Variants in ZNF142 observed in about 807,000 individuals in gnomAD.
ZNF142 encodes zinc finger protein 142.
In ZNF142, 96 loss-of-function variants were observed where a neutral mutation model predicts 132.1. The observed-to-expected ratio is 0.73, with a 90% CI of 0.62 to 0.86. ZNF142 has a LOEUF of 0.86. ZNF142 is among the 40% of genes least tolerant of loss of function. The pLI, the probability that ZNF142 is intolerant of heterozygous loss-of-function variation, is 0.00. For synonymous variants in ZNF142, 842 were observed against 890.1 expected (o/e 0.95, Z 0.96); for missense variants, 2,163 against 2,336.2 (o/e 0.93, Z 1.53).
chr2:218,648,013 CTT>C (rs1429910025), intron 7 of ZNF142, among the ~76,000 whole-genome samples: 1 of 152,188 alleles, frequency 6.6e-6, no homozygotes, highest in Non-Finnish European at 1.5e-5. Flanking sequence ...AAACCAGTGT[CTT>C]TGATGAAAAT....
In ZNF142 at chr2:218,642,226, G is replaced by C. The variant is rs763796693; in HGVS notation, c.4890C>G (p.Asp1630Glu). 1 of 1,614,228 alleles carries C rather than the reference G, an allele frequency of 6.2e-7. No individual in the cohort carries two copies. Among genetic ancestry groups the C allele is most frequent in the Non-Finnish European group, 8.5e-7 (1 of 1,180,042 alleles). Reference sequence around the variant, plus strand: ...GTACCAGCTGATGGCGGCATGTGAAGTCACAAAAGGGGCAGTGTAGCGGGG... The same window carrying C: ...GTACCAGCTGATGGCGGCATGTGAACTCACAAAAGGGGCAGTGTAGCGGGG... ...GQPPLHCPFCDFTCRHQLVLD... is the reference protein window; with the variant it reads ...GQPPLHCPFCEFTCRHQLVLD... Residue 1630 changes from aspartate to glutamate, a missense_variant, in exon 9 of 11, where the codon GAC becomes GAG. By Grantham distance (45) the Asp-to-Glu change is conservative. Coordinates refer to ENST00000411696, the MANE Select transcript of ZNF142 (RefSeq NM_001379659.1). This position sits in a 1 kb window ranked among gnomAD's most constrained non-coding sequence, Gnocchi z 4.6.
Position 218,644,719 on chromosome 2 carries a change from T to A in ZNF142, c.2397A>T (p.Val799=). Residue 799 remains valine (V), a synonymous_variant, in exon 9 of 11, where the codon GTA becomes GTT. Coordinates refer to ENST00000411696, the MANE Select transcript of ZNF142 (RefSeq NM_001379659.1). The surrounding 1 kb of genome is among the most constrained non-coding windows in gnomAD (Gnocchi z 4.6). ...GGAGCTGCCAGGCCTGGTCTCCAGG[T>A]ACATAGCCATGGGCCTTGCGTTTAT... ...LFHKRKAHGY[V]PGDQAWQLRY... is the part of the protein sequence containing the mutation. 1 of 1,614,190 alleles carries A rather than the reference T, an allele frequency of 6.2e-7. No individual in the cohort carries two copies. Among genetic ancestry groups the A allele is most frequent in the Non-Finnish European group, 8.5e-7 (1 of 1,180,016 alleles).
chr2:218,636,428 A>C lies in ZNF142; in HGVS notation c.*1911T>G. 6.2e-7 allele frequency: 1 copy of C among 1,613,986 alleles called. No homozygotes were observed. The highest frequency in any genetic ancestry group is 8.5e-7 in the Non-Finnish European group (1 of 1,179,870). Reference sequence around the variant, plus strand: ...CCCTTTGGCCCCTGGCCAATACCCCAGCTCTGGCTGCCTTCCTAATGCTGT... The same window carrying C: ...CCCTTTGGCCCCTGGCCAATACCCCCGCTCTGGCTGCCTTCCTAATGCTGT... On this transcript the variant is annotated 3_prime_UTR_variant, in exon 11 of 11. Coordinates refer to ENST00000411696, the MANE Select transcript of ZNF142 (RefSeq NM_001379659.1).
At position 218,644,998 on chromosome 2, in the gene ZNF142, C is replaced by A; in HGVS notation, c.2118G>T (p.Arg706=). Residue 706 remains arginine, a synonymous_variant, in exon 9 of 11, where the codon CGG becomes CGT. Coordinates refer to ENST00000411696, the MANE Select transcript of ZNF142 (RefSeq NM_001379659.1). This position sits in a 1 kb window ranked among gnomAD's most constrained non-coding sequence, Gnocchi z 4.6. The stretch of plus-strand genomic sequence containing the variant: ...CACACATCAGAGACTTGCCCTGATG[C>A]CGCAGCTTGTGGCTGCTCAGCTGAT... ...RADQLSSHKL[R]HQGKSLMCEV... 1 of 1,614,074 alleles carries A rather than the reference C, an allele frequency of 6.2e-7. No individual in the cohort carries two copies. The highest frequency in any genetic ancestry group is 8.5e-7 in the Non-Finnish European group (1 of 1,179,988).
rs751858230 is a variant in ZNF142 at position 218,651,962 on chromosome 2, G to C, written c.619C>G (p.Arg207Gly). The C allele has an allele frequency of 1.2e-5, 12 of 974,572 alleles. No homozygotes were observed. Among genetic ancestry groups the C allele is most frequent in the Middle Eastern group, 2.4e-4 (1 of 4,122 alleles). The allele number at this position is 974,572 out of a possible 1,614,324, so 60.4% of individuals were successfully genotyped here. Residue 207 changes from arginine (R) to glycine (G), a missense_variant, in exon 5 of 11, where the codon CGC becomes GGC. By Grantham distance (125) the Arg-to-Gly change is moderately radical (BLOSUM62 -2). Transcript: ENST00000411696. ...CTCAGGTGGTGCTGCAGACCCTTGC[G>C]ATCTTCAGCAGAGAACACACAGCCA... Reference protein sequence around the residue: ...ESGCVFSAEDRKGLQHHLRQT... With the variant: ...ESGCVFSAEDGKGLQHHLRQT...
At chr2:218,647,508 G>A (rs1348173897) in intron 7 of ZNF142, among the ~76,000 whole-genome samples, 1 of 150,318 alleles carries the variant, frequency 6.7e-6, no homozygotes, top group Non-Finnish European at 1.5e-5. Context: ...TACAGATAGG[G>A]AAACAGAGGC....
Position 218,633,526 on chromosome 2 carries a change from T to G in ZNF142, c.*4813A>C, listed in dbSNP as rs1575040495. ...ACAGTGGGGAGGCAGTGGGCAGAGG[T>G]TTAGGTTGGATGGCCATTATCTTCT... On this transcript the variant is annotated 3_prime_UTR_variant, in exon 11 of 11. Transcript: ENST00000411696. The G allele has an allele frequency of 6.7e-7, 1 of 1,501,434 alleles. No homozygotes were observed. The highest frequency in any genetic ancestry group is 9.3e-7 in the Non-Finnish European group (1 of 1,080,674). 93.0% of individuals were successfully genotyped at this position (1,501,434 alleles called of 1,614,324 possible). A position where few individuals can be genotyped will look rare whatever the true frequency, so the allele number is the denominator to read the frequency against.
chr2:218,653,138 G>C (rs1367021212), intron 4 of ZNF142, among the ~76,000 whole-genome samples: 1 of 151,996 alleles, frequency 6.6e-6, no homozygotes. Context: ...AAATTAGCCA[G>C]GCGTGGTGGC....
Position 218,638,793 on chromosome 2 carries a change from T to C in ZNF142, c.5210A>G (p.Gln1737Arg). 6 of 1,600,614 alleles carry C rather than the reference T, an allele frequency of 3.7e-6. No homozygotes were observed. Among genetic ancestry groups the C allele is most frequent in the Non-Finnish European group, 5.1e-6 (6 of 1,177,842 alleles). The change falls in exon 11 of 11, where the codon CAG becomes CGG. Residue 1737 changes from glutamine to arginine, a missense_variant. Coordinates refer to ENST00000411696, the MANE Select transcript of ZNF142 (RefSeq NM_001379659.1). ...GGTGCAGTACTCACACTCGGGACAC[T>C]GGTATGGCTTCAGTCCTACAGGACA... ...MTKHTGLKPYQCPECEYCTNR... is the reference protein window; with the variant it reads ...MTKHTGLKPYRCPECEYCTNR...
chr2:218,651,643 A>G lies in ZNF142; in HGVS notation c.880+58T>C, dbSNP rs949663309. The G allele has an allele frequency of 1.9e-5, 23 of 1,214,302 alleles. No individual in the cohort carries two copies. The East Asian group carries it at 1.3e-3, about 70-fold the overall frequency. The allele number at this position is 1,214,302 out of a possible 1,614,324, so 75.2% of individuals were successfully genotyped here. On this transcript the variant is annotated intron_variant, in intron 5 of 10. Coordinates refer to ENST00000411696, the MANE Select transcript of ZNF142 (RefSeq NM_001379659.1). The stretch of plus-strand genomic sequence containing the variant: ...GGCCTTGGAAACAACTGCCTCTCCT[A>G]TAAGATCAACTGTGGCTGAACTCCA...
chr2:218,650,895 C>T (rs1937921225), intron 5 of ZNF142, among the ~76,000 whole-genome samples: 1 of 152,132 alleles, frequency 6.6e-6, no homozygotes. Context: ...CCTCCTGCTC[C>T]TCTGCTCTCT....
chr2:218,657,351 C>T (rs893814325), intron 3 of ZNF142, among the ~76,000 whole-genome samples: 2 of 152,190 alleles, frequency 1.3e-5, no homozygotes, highest in South Asian at 2.1e-4. Flanking sequence ...TTCCCCTTCT[C>T]AATCTCTCTC....
At position 218,633,991 on chromosome 2, in the gene ZNF142, C is replaced by G. The variant is rs1696550716; in HGVS notation, c.*4348G>C. 1.2e-5 allele frequency: 17 copies of G among 1,428,732 alleles called. No homozygotes were observed. The highest frequency in any genetic ancestry group is 1.5e-5 in the Non-Finnish European group (16 of 1,054,914). 88.5% of individuals were successfully genotyped at this position (1,428,732 alleles called of 1,614,324 possible). A position where few individuals can be genotyped will look rare whatever the true frequency, so the allele number is the denominator to read the frequency against. Reference sequence around the variant, plus strand: ...GAGTAGAGAGGCACAGTGAAACTTTCTGGAGCCAGCTTCAGATGCTGGAGA... The same window carrying G: ...GAGTAGAGAGGCACAGTGAAACTTTGTGGAGCCAGCTTCAGATGCTGGAGA... On this transcript the variant is annotated 3_prime_UTR_variant, in exon 11 of 11. Coordinates refer to ENST00000411696, the MANE Select transcript of ZNF142 (RefSeq NM_001379659.1).
chr2:218,642,927 C>T lies in ZNF142; in HGVS notation c.4189G>A (p.Val1397Met). ...CAGAAGGGGCACTGATGGGGCTTCA[C>T]CCCCTCGTGCTTGAGCCGCCGGTGC... is the stretch of plus-strand genomic sequence containing the variant. ...QQHRRLKHEGVKPHQCPFCDF... is the reference protein window; with the variant it reads ...QQHRRLKHEGMKPHQCPFCDF... The change falls in exon 9 of 11, where the codon GTG (valine) becomes ATG (methionine). Residue 1397 changes from valine (V) to methionine (M), a missense_variant. Around this residue, in one of 7 missense-constraint regions of ZNF142, gnomAD observed 809 missense variants for 801.7 expected, o/e 1.01. Coordinates refer to ENST00000411696, the MANE Select transcript of ZNF142 (RefSeq NM_001379659.1). This position sits in a 1 kb window ranked among gnomAD's most constrained non-coding sequence, Gnocchi z 4.6. 1.2e-6 allele frequency: 2 copies of T among 1,613,682 alleles called. No individual in the cohort carries two copies. The highest frequency in any genetic ancestry group is 1.7e-6 in the Non-Finnish European group (2 of 1,179,928).
chr2:218,650,239 G>T, intron 6 of ZNF142, 120 bp downstream of exon 6: 1 of 1,244,250 alleles, frequency 8.0e-7, no homozygotes, highest in Non-Finnish European at 1.1e-6. Flanking sequence ...AGTCAAGGTA[G>T]AACAGAATAA....
chr2:218,638,267 C>G lies in ZNF142; in HGVS notation c.*72G>C. ...GTCTTTCCTTAGGCTCTGAGCTCCT[C>G]AGGCTAGCGCTGGTCCCAGTCTGCA... On this transcript the variant is annotated 3_prime_UTR_variant, in exon 11 of 11. Transcript: ENST00000411696. 1 of 1,383,488 alleles carries G rather than the reference C, an allele frequency of 7.2e-7. No homozygotes were observed. Among genetic ancestry groups the G allele is most frequent in the Non-Finnish European group, 9.4e-7 (1 of 1,059,240 alleles). 85.7% of individuals were successfully genotyped at this position (1,383,488 alleles called of 1,614,324 possible).
chr2:218,656,075 T>C (rs1031646536), intron 4 of ZNF142, 75 bp downstream of exon 4: 90 of 1,434,802 alleles, frequency 6.3e-5, no homozygotes, highest in Admixed American at 1.2e-4. Flanking sequence ...ATCATATTTA[T>C]ACAGAATCAA....
chr2:218,639,340 C>T (rs1414821754), intron 10 of ZNF142, among the ~76,000 whole-genome samples: 1 of 152,162 alleles, frequency 6.6e-6, no homozygotes, highest in Non-Finnish European at 1.5e-5. Flanking sequence ...TGTTGTAGTC[C>T]CAGCAATCAA....
rs988118269 is a variant in ZNF142, at chr2:218,637,124, C to T, written c.*1215G>A. 9.3e-6 allele frequency: 3 copies of T among 323,586 alleles called. No homozygotes were observed. The highest frequency in any genetic ancestry group is 1.8e-5 in the Non-Finnish European group (3 of 164,244). The allele number at this position is 323,586 out of a possible 1,614,324, so 20.0% of individuals were successfully genotyped here. ...ACACTGCACAGCACTCAAAGTCCCC[C>T]ACTGGACTGCTTCCTCCTTAGCCCC... On this transcript the variant is annotated 3_prime_UTR_variant, in exon 11 of 11. Coordinates refer to ENST00000411696, the MANE Select transcript of ZNF142 (RefSeq NM_001379659.1).
Sources: allele counts gnomAD v4.1 joint callset (sites outside exome capture counted in the v4.1 genomes callset), GRCh38; gene constraint gnomAD v4.1.1; regional missense constraint gnomAD v4.1.1; non-coding constraint Gnocchi (gnomAD v3.1); transcripts MANE v1.5; gene names NCBI Gene and HGNC (gene_info 2026-07-23, HGNC 2026-07-21).